The following LYRM4 variants were observed in gnomAD, a reference collection of about 807,000 sequenced individuals.
The protein encoded by LYRM4 is LYR motif containing 4.
LYRM4 carries 9 observed loss-of-function variants against 11.7 expected under a neutral mutation model. The observed-to-expected ratio is 0.77, with a 90% CI of 0.46 to 1.34. The LOEUF (loss-of-function observed/expected upper bound fraction) is 1.34. Among genes scored for constraint, LYRM4 ranks in the 40% most tolerant of loss-of-function variants. The pLI, the probability that LYRM4 is intolerant of heterozygous loss-of-function variation, is 0.00. For synonymous variants in LYRM4, 42 were observed against 40.4 expected (o/e 1.04, Z -0.15); for missense variants, 133 against 112.5 (o/e 1.18, Z -0.82).
intron 1 of LYRM4, among the ~76,000 whole-genome samples, chr6:5,217,503 C>G (rs1041983345): frequency 6.6e-6 from 1 of 152,176 alleles, no homozygotes; most frequent in African/African-American, 2.4e-5. Context: ...AACACAAGGC[C>G]GTGTCTCCTC....
chr6:5,062,988 T>C, the LYRM4 span, among the ~76,000 whole-genome samples: 1 of 152,054 alleles, frequency 6.6e-6, no homozygotes, highest in South Asian at 2.1e-4. Flanking sequence ...TGGACCGTGG[T>C]GGAGGGTGGT....
chr6:5,077,776 A>G, the LYRM4 span, among the ~76,000 whole-genome samples: 8 of 152,326 alleles, frequency 5.3e-5, no homozygotes, highest in Middle Eastern at 3.4e-3. Context: ...GAATTTTATT[A>G]CTGAAAACAG....
At chr6:5,248,262 C>T (rs1764280414) in intron 1 of LYRM4, among the ~76,000 whole-genome samples, 1 of 152,248 alleles carries the variant, frequency 6.6e-6, no homozygotes, top group South Asian at 2.1e-4. Context: ...CAAAGCCAGT[C>T]CCCTTCTCCC....
chr6:5,247,158 C>T (rs2127764513), intron 1 of LYRM4, among the ~76,000 whole-genome samples: 1 of 151,900 alleles, frequency 6.6e-6, no homozygotes, highest in South Asian at 2.1e-4. Context: ...TTGGTTATAC[C>T]CCCATTGGGA....
chr6:5,079,432 A>T, the LYRM4 span, among the ~76,000 whole-genome samples: 1 of 152,232 alleles, frequency 6.6e-6, no homozygotes, highest in Non-Finnish European at 1.5e-5. Context: ...AGAAAGGGGA[A>T]GTCTGAGAGG....
In LYRM4 at chr6:5,109,322, C is replaced by T; in HGVS notation, c.*101G>A. On this transcript the variant is annotated 3_prime_UTR_variant, in exon 3 of 3. Transcript: ENST00000330636. ...ATCAGCTCCCACAGGACAGGCAGCGCAAAAGGCTATTGTAAGCTGGTTTTG... is the reference window on the plus strand; with the variant it reads ...ATCAGCTCCCACAGGACAGGCAGCGTAAAAGGCTATTGTAAGCTGGTTTTG... 1 of 1,584,910 alleles carries T rather than the reference C, an allele frequency of 6.3e-7. No homozygotes were observed. Among genetic ancestry groups the T allele is most frequent in the South Asian group, 1.1e-5 (1 of 88,678 alleles).
At chr6:5,254,161 G>A (rs537873936) in intron 1 of LYRM4, among the ~76,000 whole-genome samples, 8 of 152,330 alleles carry the variant, frequency 5.3e-5, no homozygotes, top group African/African-American at 1.4e-4. Context: ...CTGGTCAACA[G>A]AAACGGCCCA....
intron 2 of LYRM4, among the ~76,000 whole-genome samples, chr6:5,180,192 T>C (rs1317816150): frequency 6.6e-6 from 1 of 152,200 alleles, no homozygotes; most frequent in Non-Finnish European, 1.5e-5. Flanking sequence ...ACAGAACCTG[T>C]GGATTCTTCC....
At chr6:5,215,823 A>G (rs1762242866) in intron 2 of LYRM4, among the ~76,000 whole-genome samples, 1 of 152,234 alleles carries the variant, frequency 6.6e-6, no homozygotes, top group South Asian at 2.1e-4. Flanking sequence ...TCCTGCAAGT[A>G]AAAGGGAAAC....
intron 2 of LYRM4, among the ~76,000 whole-genome samples, chr6:5,144,624 C>CAAAAAAAAAAAAAA (rs71540849): frequency 8.0e-5 from 3 of 37,596 alleles, no homozygotes; most frequent in Admixed American, 4.8e-4. Context: ...GACTCCGTCT[C>CAAAAAAAAAAAAAA]AAAAAAAAAA....
intron 2 of LYRM4, among the ~76,000 whole-genome samples, chr6:5,207,270 C>A (rs1761753343): frequency 6.6e-6 from 1 of 152,110 alleles, no homozygotes; most frequent in South Asian, 2.1e-4. Flanking sequence ...TGAAATCCAT[C>A]CAGTCCGAAA....
the LYRM4 span, chr6:5,085,362 G>T: frequency 1.5e-6 from 1 of 684,752 alleles, no homozygotes; most frequent in Non-Finnish European, 2.4e-6. Context: ...CGAGCCTGGG[G>T]CGACTCGCCT....
At chr6:5,043,711 C>T in the LYRM4 span, among the ~76,000 whole-genome samples, 1 of 152,170 alleles carries the variant, frequency 6.6e-6, no homozygotes, top group South Asian at 2.1e-4. Context: ...TCCTCCTCCT[C>T]CCAGGGGCGC....
the LYRM4 span, chr6:5,032,779 A>G: frequency 6.6e-6 from 1 of 152,140 alleles, no homozygotes; most frequent in Non-Finnish European, 1.5e-5. Context: ...TTAGACTAGA[A>G]GATCTCTCGG....
chr6:5,149,187 A>G (rs1356997192), intron 2 of LYRM4, among the ~76,000 whole-genome samples: 2 of 152,254 alleles, frequency 1.3e-5, no homozygotes, highest in African/African-American at 2.4e-5. Context: ...GTTTTCAAAA[A>G]TAAGTGAAAT....
chr6:5,061,979 C>T, the LYRM4 span, among the ~76,000 whole-genome samples: 1 of 151,864 alleles, frequency 6.6e-6, no homozygotes, highest in African/African-American at 2.4e-5. Context: ...TCCACAATAG[C>T]GGGGTGTTTA....
At chr6:5,239,176 AAAG>A (rs1280021393) in intron 1 of LYRM4, among the ~76,000 whole-genome samples, 6 of 152,216 alleles carry the variant, frequency 3.9e-5, no homozygotes, top group Non-Finnish European at 2.9e-5. Flanking sequence ...CGTGAGACAT[AAAG>A]AAGGTCCGGC....
At chr6:5,162,511 G>GAGAGAGAGAGAGAC (rs60651754) in intron 2 of LYRM4, among the ~76,000 whole-genome samples, 2 of 147,630 alleles carry the variant, frequency 1.4e-5, no homozygotes, top group African/African-American at 5.1e-5. Context: ...GAGAGAGAGA[G>GAGAGAGAGAGAGAC]AGAGAGAGAG....
intron 2 of LYRM4, among the ~76,000 whole-genome samples, chr6:5,197,655 CAG>C (rs2127700238): frequency 6.6e-6 from 1 of 152,138 alleles, no homozygotes; most frequent in Admixed American, 6.5e-5. Context: ...ACTTGGGTGA[CAG>C]AGTGAGACGC....
Sources: allele counts gnomAD v4.1 joint callset (sites outside exome capture counted in the v4.1 genomes callset), GRCh38; gene constraint gnomAD v4.1.1; transcripts MANE v1.5; gene names NCBI Gene and HGNC (gene_info 2026-07-23, HGNC 2026-07-21).